Variants in KCNIP4 observed in about 807,000 individuals in gnomAD.
KCNIP4 encodes potassium voltage-gated channel interacting protein 4, also known as Kv channel-interacting protein 4.
A neutral mutation model predicts 34.0 loss-of-function variants in KCNIP4; 12 were observed. The ratio of observed to expected loss-of-function variants is 0.35; its 90% CI spans 0.23 to 0.57. KCNIP4 has a LOEUF of 0.57. Ranked by LOEUF, KCNIP4 falls within the 20% of genes least tolerant of loss-of-function variation. The probability of loss-of-function intolerance (pLI) is 0.83; values close to 1 mark genes in which losing one functional copy is unlikely to be tolerated. For missense variants in KCNIP4, 238 were observed against 311.7 expected (o/e 0.76, Z 1.78); for synonymous variants, 124 against 102.2 (o/e 1.21, Z -1.29).
At position 21,550,020 on chromosome 4, in the gene KCNIP4, G is replaced by A. The variant is rs73801669; in HGVS notation, c.61+398551C>T. Among the ~76,000 whole-genome samples the A allele has an allele frequency of 5.9e-4, 90 of 152,248 alleles. 1 individual carries two copies. The highest frequency in any genetic ancestry group is 2.1e-3 in the African/African-American group (87 of 41,566). The stretch of plus-strand genomic sequence containing the variant: ...ACATGTCAGATAAGGTCCAGCTACA[G>A]CATAATGGCATGATGGCAGCCTTCC... On this transcript the variant is annotated intron_variant, in intron 1 of 8. Transcript: ENST00000382152.
At chr4:20,934,514 G>C (rs1730836356) in intron 1 of KCNIP4, among the ~76,000 whole-genome samples, 1 of 151,934 alleles carries the variant, frequency 6.6e-6, no homozygotes, top group South Asian at 2.1e-4. Flanking sequence ...ATCTGTTTTT[G>C]GGCTTCCCTT....
Position 21,651,415 on chromosome 4 carries a change from A to G in KCNIP4, c.61+297156T>C, listed in dbSNP as rs546489644. 9.7e-4 allele frequency among the ~76,000 whole-genome samples: 147 copies of G among 152,302 alleles called. 4 individuals carry two copies. The South Asian group carries it at 0.024, about 25-fold the overall frequency. On this transcript the variant is annotated intron_variant, in intron 1 of 8. Coordinates refer to ENST00000382152, the MANE Select transcript of KCNIP4 (RefSeq NM_025221.6). Reference sequence around the variant, plus strand: ...CTAATGAAGATTAGGGATAAAGAGGATATTTTGTCCAAGAAATGGCATTGT... The same window carrying G: ...CTAATGAAGATTAGGGATAAAGAGGGTATTTTGTCCAAGAAATGGCATTGT...
chr4:20,922,547 G>GTCTGTCTGTCTGTCTGTCTGTCTA (rs373186954), intron 1 of KCNIP4, among the ~76,000 whole-genome samples: 57 of 129,516 alleles, frequency 4.4e-4, no homozygotes, highest in South Asian at 8.2e-4. Flanking sequence ...CTGTCTGTCT[G>GTCTGTCTGTCTGTCTGTCTGTCTA]TCTATCTATC....
chr4:21,089,070 C>T (rs1229715167), intron 1 of KCNIP4, among the ~76,000 whole-genome samples: 2 of 152,136 alleles, frequency 1.3e-5, no homozygotes, highest in Non-Finnish European at 2.9e-5. Context: ...AGAAATAAGG[C>T]CATGGCCCCT....
intron 1 of KCNIP4, among the ~76,000 whole-genome samples, chr4:21,816,026 C>T (rs1182007767): frequency 1.3e-5 from 2 of 152,066 alleles, no homozygotes; most frequent in African/African-American, 2.4e-5. Flanking sequence ...CAGGCAGGTC[C>T]TTTGGGATGG....
At chr4:21,255,144 T>C (rs1434982349) in intron 1 of KCNIP4, among the ~76,000 whole-genome samples, 1 of 152,072 alleles carries the variant, frequency 6.6e-6, no homozygotes, top group Admixed American at 6.6e-5. Flanking sequence ...TTTGCCCAAC[T>C]ATAGAGGGAG....
At chr4:21,839,489 C>T (rs1261929719) in intron 1 of KCNIP4, among the ~76,000 whole-genome samples, 1 of 152,188 alleles carries the variant, frequency 6.6e-6, no homozygotes, top group African/African-American at 2.4e-5. Flanking sequence ...TGCAAAGGCT[C>T]ACGTCTGTAA....
chr4:21,438,862 G>C (rs1031760543), intron 1 of KCNIP4, among the ~76,000 whole-genome samples: 9 of 152,096 alleles, frequency 5.9e-5, no homozygotes, highest in Admixed American at 5.9e-4. Flanking sequence ...TACTGGAAAT[G>C]ATTAAAAAGT....
rs1041448842 is a variant in KCNIP4, at chr4:20,729,505, T to TA, written c.*576dup. ...AAATGTTTAATAATTTTTAAATGTT[T>TA]AAAAATGCCAGATAAAACTAATTTC... On this transcript the variant is annotated 3_prime_UTR_variant, in exon 9 of 9. Coordinates refer to ENST00000382152, the MANE Select transcript of KCNIP4 (RefSeq NM_025221.6). 76 of 148,870 alleles carry TA rather than the reference T, an allele frequency of 5.1e-4. No homozygotes were observed. The highest frequency in any genetic ancestry group is 1.8e-3 in the African/African-American group (75 of 40,704). The allele number at this position is 148,870 out of a possible 1,614,324, so 9.2% of individuals were successfully genotyped here.
chr4:21,699,756 C>T (rs1009759952), intron 1 of KCNIP4, among the ~76,000 whole-genome samples: 1 of 152,018 alleles, frequency 6.6e-6, no homozygotes, highest in African/African-American at 2.4e-5. Flanking sequence ...GTATGTGAAG[C>T]CTTATAGCTG....
At chr4:21,338,844 C>G (rs970933055) in intron 1 of KCNIP4, among the ~76,000 whole-genome samples, 1 of 152,030 alleles carries the variant, frequency 6.6e-6, no homozygotes, top group Non-Finnish European at 1.5e-5. Context: ...TTCTTCATCA[C>G]TTAATCAGTT....
intron 1 of KCNIP4, among the ~76,000 whole-genome samples, chr4:21,567,749 C>T (rs1044325163): frequency 2.6e-5 from 4 of 152,062 alleles, no homozygotes. Context: ...CTAATATAAA[C>T]TGAAAACTGG....
At chr4:21,589,156 GTATATATATATA>G (rs375787939) in intron 1 of KCNIP4, among the ~76,000 whole-genome samples, 18 of 71,214 alleles carry the variant, frequency 2.5e-4, no homozygotes, top group Admixed American at 5.5e-4. Flanking sequence ...ATGGAGGTGT[GTATATATATATA>G]TATATATATA....
At chr4:21,886,506 G>A (rs1038228175) in intron 1 of KCNIP4, among the ~76,000 whole-genome samples, 7 of 152,092 alleles carry the variant, frequency 4.6e-5, no homozygotes, top group Non-Finnish European at 1.0e-4. Context: ...TTTACAGAGG[G>A]AGTAAGCGGA....
intron 1 of KCNIP4, among the ~76,000 whole-genome samples, chr4:21,196,358 T>C (rs1039215106): frequency 1.3e-5 from 2 of 152,186 alleles, no homozygotes; most frequent in African/African-American, 4.8e-5. Context: ...TATTTACCCT[T>C]TTGCCTTTTT....
chr4:21,140,475 T>G (rs2109207065), intron 1 of KCNIP4, among the ~76,000 whole-genome samples: 1 of 152,280 alleles, frequency 6.6e-6, no homozygotes, highest in Non-Finnish European at 1.5e-5. Context: ...TCTAAAAGGA[T>G]TGCACAATGT....
chr4:21,455,649 G>A (rs893386098), intron 1 of KCNIP4, among the ~76,000 whole-genome samples: 4 of 146,878 alleles, frequency 2.7e-5, no homozygotes, highest in Non-Finnish European at 6.0e-5. Context: ...CAGTTATGAA[G>A]GCTAGGAATT....
chr4:21,017,526 C>A (rs1739654073), intron 1 of KCNIP4, among the ~76,000 whole-genome samples: 1 of 152,176 alleles, frequency 6.6e-6, no homozygotes, highest in East Asian at 1.9e-4. Flanking sequence ...TGATCTCATT[C>A]CTTTTTATGG....
intron 1 of KCNIP4, among the ~76,000 whole-genome samples, chr4:21,035,847 T>G (rs1029434052): frequency 1.3e-5 from 2 of 152,180 alleles, no homozygotes; most frequent in Non-Finnish European, 2.9e-5. Context: ...CTTGCATTGA[T>G]GGAACCCCTG....
Sources: allele counts gnomAD v4.1 joint callset (sites outside exome capture counted in the v4.1 genomes callset), GRCh38; gene constraint gnomAD v4.1.1; transcripts MANE v1.5; gene names NCBI Gene and HGNC (gene_info 2026-07-23, HGNC 2026-07-21).